The following IGFBP7 variants were observed in gnomAD, a reference collection of about 807,000 sequenced individuals.
IGFBP7 encodes the protein insulin-like growth factor-binding protein 7.
A neutral mutation model predicts 29.4 loss-of-function variants in IGFBP7; 31 were observed. The observed-to-expected ratio is 1.05, with a 90% CI of 0.79 to 1.42. The LOEUF (loss-of-function observed/expected upper bound fraction) is 1.42. Among genes scored for constraint, IGFBP7 ranks in the 40% most tolerant of loss-of-function variants. IGFBP7 has a pLI of 0.00. For synonymous variants in IGFBP7, 172 were observed against 174.9 expected (o/e 0.98, Z 0.13); for missense variants, 393 against 395.5 (o/e 0.99, Z 0.05).
chr4:57,056,666 T>C (rs1338393970), intron 1 of IGFBP7, among the ~76,000 whole-genome samples: 1 of 152,208 alleles, frequency 6.6e-6, no homozygotes, highest in Non-Finnish European at 1.5e-5. Flanking sequence ...CAAGTCACCC[T>C]TGCTTTTATC....
chr4:57,106,969 T>G (rs1193219436), intron 1 of IGFBP7, among the ~76,000 whole-genome samples: 1 of 152,188 alleles, frequency 6.6e-6, no homozygotes, highest in Non-Finnish European at 1.5e-5. Flanking sequence ...TATTTGCTGA[T>G]TATCTTTCAG....
chr4:57,072,909 A>G (rs905105653), intron 1 of IGFBP7: 2 of 715,148 alleles, frequency 2.8e-6, no homozygotes, highest in African/African-American at 1.8e-5. Context: ...TACCACCCCA[A>G]CATGGACACC....
At chr4:57,040,977 C>T (rs1474257849) in intron 1 of IGFBP7, 44 bp from the exon 2 acceptor site, 1 of 1,230,492 alleles carries the variant, frequency 8.1e-7, no homozygotes, top group East Asian at 2.3e-5. Flanking sequence ...TTAAACAGTC[C>T]TTCACATGAG....
At chr4:57,051,458 G>A (rs1391392459) in intron 1 of IGFBP7, among the ~76,000 whole-genome samples, 4 of 152,340 alleles carry the variant, frequency 2.6e-5, no homozygotes, top group South Asian at 2.1e-4. Context: ...AGTTATGGAA[G>A]CTACTGTTAG....
chr4:57,074,073 T>TC (rs1725135204), intron 1 of IGFBP7, among the ~76,000 whole-genome samples: 1 of 150,388 alleles, frequency 6.6e-6, no homozygotes, highest in Non-Finnish European at 1.5e-5. Flanking sequence ...CTCTCTTTTT[T>TC]CTTTTGAGAC....
intron 1 of IGFBP7, among the ~76,000 whole-genome samples, chr4:57,066,399 G>T (rs1316013515): frequency 6.6e-6 from 1 of 152,150 alleles, no homozygotes; most frequent in Non-Finnish European, 1.5e-5. Context: ...CATACTGACT[G>T]CAGCCTCAGG....
intron 1 of IGFBP7, among the ~76,000 whole-genome samples, chr4:57,085,361 C>T (rs4508954): frequency 0.81 from 123,561 of 152,062 alleles, 50,291 homozygotes; most frequent in East Asian, 0.96. Context: ...TTGATCATTC[C>T]TCCTTTCTTT....
chr4:57,078,198 T>C (rs1023430820), intron 1 of IGFBP7, among the ~76,000 whole-genome samples: 1 of 152,132 alleles, frequency 6.6e-6, no homozygotes, highest in African/African-American at 2.4e-5. Context: ...TGGGCATTCA[T>C]ATGTGTAAAT....
Position 57,103,660 on chromosome 4 carries a change from C to CTTTTTTTTTTTTTTTTTTTTTT in IGFBP7, c.475+6216_475+6217insAAAAAAAAAAAAAAAAAAAAAA, listed in dbSNP as rs59173874. ...AACTTTTCTTTTTTTTTTTTCTTTT[C>CTTTTTTTTTTTTTTTTTTTTTT]TTTTTTTTTTTTTTTTGAGGCAGGG... On this transcript the variant is annotated intron_variant, in intron 1 of 4. Transcript: ENST00000295666. Among the ~76,000 whole-genome samples, 154 of 86,466 alleles carry CTTTTTTTTTTTTTTTTTTTTTT rather than the reference C, an allele frequency of 1.8e-3. 1 individual carries two copies. The highest frequency in any genetic ancestry group is 2.0e-3 in the Non-Finnish European group (99 of 48,496). The allele number at this position is 86,466 out of a possible 152,430, so 56.7% of individuals were successfully genotyped here. A position where few individuals can be genotyped will look rare whatever the true frequency, so the allele number is the denominator to read the frequency against.
At chr4:57,037,687 T>C in intron 2 of IGFBP7, among the ~76,000 whole-genome samples, 1 of 152,156 alleles carries the variant, frequency 6.6e-6, no homozygotes, top group Non-Finnish European at 1.5e-5. Flanking sequence ...TAGCTGGGAT[T>C]GGGTAGAGCA....
chr4:57,052,276 C>A (rs1445207516), intron 1 of IGFBP7, among the ~76,000 whole-genome samples: 1 of 152,122 alleles, frequency 6.6e-6, no homozygotes, highest in Non-Finnish European at 1.5e-5. Flanking sequence ...AGGCTGTGAG[C>A]CTCAAAGGTT....
At chr4:57,062,924 C>T (rs1047618213) in intron 1 of IGFBP7, among the ~76,000 whole-genome samples, 1 of 152,070 alleles carries the variant, frequency 6.6e-6, no homozygotes, top group African/African-American at 2.4e-5. Flanking sequence ...AGATAATGGT[C>T]CTGAATGAAT....
chr4:57,057,114 T>C (rs2109761738), intron 1 of IGFBP7, among the ~76,000 whole-genome samples: 1 of 152,228 alleles, frequency 6.6e-6, no homozygotes, highest in South Asian at 2.1e-4. Context: ...CAAGAGATCC[T>C]CCCAACTCAG....
intron 1 of IGFBP7, among the ~76,000 whole-genome samples, chr4:57,074,753 A>G (rs372206252): frequency 3.2e-4 from 49 of 152,374 alleles, no homozygotes; most frequent in African/African-American, 1.2e-3. Flanking sequence ...GAAAGAAAAG[A>G]TACAGCACCC....
chr4:57,073,454 GC>G (rs1725113919), intron 1 of IGFBP7, among the ~76,000 whole-genome samples: 1 of 151,950 alleles, frequency 6.6e-6, no homozygotes, highest in Non-Finnish European at 1.5e-5. Context: ...AATTAGCTGG[GC>G]ATGGTGGTGT....
At chr4:57,031,437 T>A in intron 4 of IGFBP7, 101 bp from the exon 5 acceptor site, 1 of 834,496 alleles carries the variant, frequency 1.2e-6, no homozygotes, top group Non-Finnish European at 2.0e-6. Flanking sequence ...ATGAAGATGT[T>A]AAAATATGGG....
chr4:57,050,372 G>A (rs533830518), intron 1 of IGFBP7, among the ~76,000 whole-genome samples: 1 of 151,784 alleles, frequency 6.6e-6, no homozygotes, highest in East Asian at 1.9e-4. Flanking sequence ...ATCCTCCTGA[G>A]TAGCTGGGAT....
chr4:57,100,071 C>CTTTTTTTTT (rs10669251), intron 1 of IGFBP7, among the ~76,000 whole-genome samples: 3 of 115,752 alleles, frequency 2.6e-5, no homozygotes, highest in Admixed American at 1.1e-4. Context: ...TCTTTTCTTT[C>CTTTTTTTTT]TTTTTTTTTT....
intron 1 of IGFBP7, among the ~76,000 whole-genome samples, chr4:57,069,355 G>A (rs73242634): frequency 0.049 from 7,424 of 152,252 alleles, 261 homozygotes; most frequent in Non-Finnish European, 0.075. Flanking sequence ...TTGGGAGGCC[G>A]AGGTGAGAGG....
Sources: allele counts gnomAD v4.1 joint callset (sites outside exome capture counted in the v4.1 genomes callset), GRCh38; gene constraint gnomAD v4.1.1; transcripts MANE v1.5; gene names NCBI Gene and HGNC (gene_info 2026-07-23, HGNC 2026-07-21).